Variants in UGT1A6 observed in about 807,000 individuals in gnomAD.
The protein encoded by UGT1A6 is UDP-glucuronosyltransferase 1A6.
In UGT1A6, 32 loss-of-function variants were observed where a neutral mutation model predicts 44.4. That is an observed-to-expected ratio of 0.72 (90% CI 0.54 to 0.97). The LOEUF is 0.97. Ranked by LOEUF, UGT1A6 falls within the 50% of genes least tolerant of loss-of-function variation. The probability of loss-of-function intolerance (pLI) is 0.00; values close to 1 mark genes in which losing one functional copy is unlikely to be tolerated. For missense variants in UGT1A6, 685 were observed against 661.9 expected (o/e 1.03, Z -0.38); for synonymous variants, 238 against 248.5 (o/e 0.96, Z 0.40).
intron 1 of UGT1A6, among the ~76,000 whole-genome samples, chr2:233,720,662 A>C (rs1219238244): frequency 2.6e-5 from 4 of 151,614 alleles, no homozygotes; most frequent in East Asian, 3.9e-4. Flanking sequence ...CCAAATTCAC[A>C]CACCAATGAA....
At chr2:233,744,212 GTTGGGGAAAAGAGA>G (rs1383890849) in intron 1 of UGT1A6, among the ~76,000 whole-genome samples, 2 of 151,858 alleles carry the variant, frequency 1.3e-5, no homozygotes, top group Non-Finnish European at 2.9e-5. Flanking sequence ...GGAAAAAGAG[GTTGGGGAAAAGAGA>G]GGGCCTTGAC....
chr2:233,743,979 A>T (rs1692622611), intron 1 of UGT1A6: 1 of 1,306,002 alleles, frequency 7.7e-7, no homozygotes, highest in Non-Finnish European at 1.0e-6. Flanking sequence ...GCCAGCACCC[A>T]GGCGCAGGCC....
chr2:233,743,913 C>G (rs1692584630), intron 1 of UGT1A6: 1 of 1,365,508 alleles, frequency 7.3e-7, no homozygotes, highest in Non-Finnish European at 9.8e-7. Context: ...TAGTAGTCCA[C>G]CATGCTGGAT....
intron 1 of UGT1A6, among the ~76,000 whole-genome samples, chr2:233,714,561 T>C (rs938203514): frequency 6.6e-6 from 1 of 152,256 alleles, no homozygotes; most frequent in African/African-American, 2.4e-5. Flanking sequence ...AGAAATATCA[T>C]GTAAACCACA....
rs116377065 is a variant in UGT1A6, at chr2:233,702,706, G to A, written c.861+8841G>A. On this transcript the variant is annotated intron_variant, in intron 1 of 4. Transcript: ENST00000305139. ...TTTGGTTTTGTCAAATGCTTTTTCT[G>A]TGTCTATTGAAATGAACATGGTTTT... Among the ~76,000 whole-genome samples, 823 of 152,190 alleles carry A rather than the reference G, an allele frequency of 5.4e-3. 6 individuals carry two copies. Among genetic ancestry groups the A allele is most frequent in the African/African-American group, 0.019 (783 of 41,530 alleles).
chr2:233,768,502 A>G (rs1225934667), intron 4 of UGT1A6, 63 bp downstream of exon 4: 30 of 1,567,296 alleles, frequency 1.9e-5, no homozygotes, highest in Non-Finnish European at 2.6e-5. Flanking sequence ...TGTTTCAAAT[A>G]TGAAAACATT....
At chr2:233,760,188 C>T (rs1697341455) in intron 1 of UGT1A6, 3 of 1,563,658 alleles carry the variant, frequency 1.9e-6, no homozygotes, top group East Asian at 2.3e-5. Flanking sequence ...TTTATAGTCA[C>T]GTGACACAGT....
At chr2:233,715,722 T>C (rs754383024) in intron 1 of UGT1A6, among the ~76,000 whole-genome samples, 5 of 152,106 alleles carry the variant, frequency 3.3e-5, no homozygotes, top group Non-Finnish European at 5.9e-5. Flanking sequence ...CAGTGTGCCA[T>C]GTTCACGCCA....
chr2:233,747,849 A>C, intron 1 of UGT1A6: 1 of 1,613,552 alleles, frequency 6.2e-7, no homozygotes. Flanking sequence ...AAGGGTCAAG[A>C]ACATGCTCTA....
intron 4 of UGT1A6, chr2:233,770,944 AC>A: frequency 6.6e-6 from 1 of 152,138 alleles, no homozygotes; most frequent in Non-Finnish European, 1.5e-5. Context: ...TGCCGGGGGA[AC>A]CTCAGGGAGC....
At position 233,693,011 on chromosome 2, in the gene UGT1A6, T is replaced by G. The variant is rs952718997; in HGVS notation, c.7T>G (p.Cys3Gly). The change falls in exon 1 of 5, where the codon TGC becomes GGC. Residue 3 changes from cysteine to glycine, a missense_variant. Cys to Gly is a radical substitution (Grantham distance 159). Transcript: ENST00000305139. ...TACTTTAACTCTTTCCAGGATGGCC[T>G]GCCTCCTTCGCTCATTTCAGAGAAT... MA[C>G]LLRSFQRISA... 2 of 1,614,200 alleles carry G rather than the reference T, an allele frequency of 1.2e-6. No individual in the cohort carries two copies. The highest frequency in any genetic ancestry group is 1.7e-6 in the Non-Finnish European group (2 of 1,180,034).
chr2:233,750,953 C>T (rs1348696377), intron 1 of UGT1A6, among the ~76,000 whole-genome samples: 2 of 151,802 alleles, frequency 1.3e-5, no homozygotes, highest in Non-Finnish European at 2.9e-5. Context: ...ACAGAGTCTC[C>T]ACTGGGGCAC....
chr2:233,738,671 G>A (rs6722076), intron 1 of UGT1A6, among the ~76,000 whole-genome samples: 41,235 of 152,112 alleles, frequency 0.27, 5,866 homozygotes, highest in South Asian at 0.39. Context: ...TGAGAGAGAT[G>A]ATCTGAAATT....
chr2:233,733,746 G>A (rs1211480286), intron 1 of UGT1A6, among the ~76,000 whole-genome samples: 2 of 152,164 alleles, frequency 1.3e-5, no homozygotes, highest in Admixed American at 6.5e-5. Context: ...TGTTCATCAG[G>A]GATATTTGTC....
At chr2:233,753,727 C>T (rs767953067) in intron 1 of UGT1A6, 2 of 152,174 alleles carry the variant, frequency 1.3e-5, no homozygotes, top group African/African-American at 2.4e-5. Flanking sequence ...ATTTGATATG[C>T]CCCAAGCACA....
At chr2:233,767,242 A>G in intron 2 of UGT1A6, 77 bp downstream of exon 2, 1 of 1,606,336 alleles carries the variant, frequency 6.2e-7, no homozygotes, top group African/African-American at 1.3e-5. Context: ...TTCCAGATTA[A>G]TTCTCTTAAT....
intron 1 of UGT1A6, chr2:233,761,214 TTAAC>T (rs747537928): frequency 1.9e-6 from 3 of 1,613,728 alleles, no homozygotes; most frequent in Non-Finnish European, 2.5e-6. Context: ...TTTGGATCGA[TTAAC>T]TAGCCCCAGA....
chr2:233,725,079 C>A lies in UGT1A6; in HGVS notation c.861+31214C>A, dbSNP rs370992455. ...GCGCGCGCCTGCAATCGCAGGCACT[C>A]GGCAGGCTGAGGCAGGAGAATCAGG... On this transcript the variant is annotated intron_variant, in intron 1 of 4. Transcript: ENST00000305139. 3.5e-5 allele frequency among the ~76,000 whole-genome samples: 5 copies of A among 144,208 alleles called. 1 individual carries two copies. Among genetic ancestry groups the A allele is most frequent in the Admixed American group, 7.0e-5 (1 of 14,340 alleles). 94.6% of individuals were successfully genotyped at this position (144,208 alleles called of 152,430 possible).
intron 1 of UGT1A6, among the ~76,000 whole-genome samples, chr2:233,715,641 G>A (rs1196189169): frequency 6.6e-6 from 1 of 152,000 alleles, no homozygotes; most frequent in Non-Finnish European, 1.5e-5. Context: ...GTGTGATGGT[G>A]CACACCTGTG....
Sources: gnomAD v4.1 joint callset for allele counts (sites outside exome capture counted in the v4.1 genomes callset) on GRCh38, gnomAD v4.1.1 for gene constraint, MANE v1.5 for transcripts, NCBI Gene and HGNC (gene_info 2026-07-23, HGNC 2026-07-21) for gene names.